The following CUX1 variants were observed in gnomAD, a reference collection of about 807,000 sequenced individuals.
The protein encoded by CUX1 is protein CASP.
CUX1 carries 31 observed loss-of-function variants against 158.8 expected under a neutral mutation model. That is an observed-to-expected ratio of 0.20 (90% confidence interval 0.15 to 0.26). The LOEUF (loss-of-function observed/expected upper bound fraction) is 0.26, where lower values mean the gene tolerates loss of function less well. Ranked by LOEUF, CUX1 falls within the 10% of genes least tolerant of loss-of-function variation. CUX1 has a pLI of 1.00. For synonymous variants in CUX1, 879 were observed against 862.1 expected (o/e 1.02, Z -0.34); for missense variants, 1,589 against 2,014.6 (o/e 0.79, Z 4.04).
At chr7:101,965,876 A>G (rs963662792) in intron 2 of CUX1, among the ~76,000 whole-genome samples, 3 of 130,442 alleles carry the variant, frequency 2.3e-5, no homozygotes, top group Non-Finnish European at 3.3e-5. Context: ...AAAAAAAAAG[A>G]TGACTTGGAG....
intron 8 of CUX1, among the ~76,000 whole-genome samples, chr7:102,143,219 G>GGGTT (rs1301043784): frequency 1.3e-5 from 2 of 152,132 alleles, no homozygotes; most frequent in Non-Finnish European, 2.9e-5. Flanking sequence ...GGTACTTGGG[G>GGGTT]GGTTCCCTTC....
intron 1 of CUX1, among the ~76,000 whole-genome samples, chr7:101,850,587 C>T (rs950426474): frequency 1.3e-5 from 2 of 151,954 alleles, no homozygotes; most frequent in African/African-American, 2.4e-5. Context: ...CACCATGTTA[C>T]CCAGGTGGTC....
chr7:102,032,148 T>C (rs62465593), intron 3 of CUX1, among the ~76,000 whole-genome samples: 61,010 of 151,418 alleles, frequency 0.4, 13,023 homozygotes, highest in Non-Finnish European at 0.46. Flanking sequence ...AGGCTGGTCT[T>C]GAACTCCTGA....
chr7:101,948,105 G>C (rs1808612001), intron 2 of CUX1, among the ~76,000 whole-genome samples: 1 of 152,132 alleles, frequency 6.6e-6, no homozygotes, highest in African/African-American at 2.4e-5. Context: ...AGCCAGATTC[G>C]GCCAGGCGCC....
At chr7:102,133,853 C>T (rs1225583988) in intron 8 of CUX1, among the ~76,000 whole-genome samples, 9 of 152,138 alleles carry the variant, frequency 5.9e-5, no homozygotes, top group African/African-American at 1.7e-4. Context: ...GCCCCCACAC[C>T]GGGGTAATTG....
At chr7:102,123,531 C>T (rs929048217) in intron 8 of CUX1, among the ~76,000 whole-genome samples, 3 of 150,620 alleles carry the variant, frequency 2.0e-5, no homozygotes, top group Admixed American at 1.3e-4. Context: ...ATGGCGTGAA[C>T]CCGGGAGGCA....
rs186535525 is a variant in CUX1 at position 102,018,913 on chromosome 7, G to A, written c.142-9185G>A. On this transcript the variant is annotated intron_variant, in intron 2 of 23. Transcript: ENST00000292535. The stretch of plus-strand genomic sequence containing the variant: ...CCACTGTACACTTGCGGGAGAAGGC[G>A]AGGAAAAGGCAAGTAACAAGAATAG... Among the ~76,000 whole-genome samples, 618 of 152,234 alleles carry A rather than the reference G, an allele frequency of 4.1e-3. 15 individuals carry two copies. Among genetic ancestry groups the A allele is most frequent in the Admixed American group, 0.037 (564 of 15,274 alleles).
At chr7:102,280,546 G>A (rs958027103) in intron 19 of CUX1, among the ~76,000 whole-genome samples, 8 of 152,158 alleles carry the variant, frequency 5.3e-5, no homozygotes, top group Non-Finnish European at 1.0e-4. Context: ...AGTTCTGCCC[G>A]TGGAGTACTT....
intron 3 of CUX1, among the ~76,000 whole-genome samples, chr7:102,056,956 T>G (rs999278935): frequency 1.3e-5 from 2 of 150,302 alleles, no homozygotes; most frequent in African/African-American, 4.9e-5. Flanking sequence ...GGCTGGAGTC[T>G]AGTGGTGCGA....
intron 2 of CUX1, among the ~76,000 whole-genome samples, chr7:101,989,300 T>C (rs550884407): frequency 6.6e-6 from 1 of 152,338 alleles, no homozygotes; most frequent in South Asian, 2.1e-4. Flanking sequence ...CCTGGAACGA[T>C]GTCTGCGCCG....
At chr7:101,904,619 A>C (rs1802547038) in intron 1 of CUX1, among the ~76,000 whole-genome samples, 2 of 144,304 alleles carry the variant, frequency 1.4e-5, no homozygotes, top group South Asian at 4.3e-4. Context: ...CCCAGGCTGG[A>C]GTGTAGTGGT....
intron 9 of CUX1, among the ~76,000 whole-genome samples, chr7:102,168,882 G>GCTTTTCTTTTCTTTT (rs370878244): frequency 3.5e-5 from 5 of 144,308 alleles, no homozygotes; most frequent in East Asian, 2.0e-4. Context: ...GCTTGGCCAG[G>GCTTTTCTTTTCTTTT]CTTTTCTTTT....
At position 102,254,062 on chromosome 7, in the gene CUX1, C is replaced by A; in HGVS notation, c.*5020C>A. The A allele has an allele frequency of 2.0e-6, 2 of 985,502 alleles. No individual in the cohort carries two copies. The highest frequency in any genetic ancestry group is 2.4e-6 in the Non-Finnish European group (2 of 829,976). 61.0% of individuals were successfully genotyped at this position (985,502 alleles called of 1,614,324 possible). A position where few individuals can be genotyped will look rare whatever the true frequency, so the allele number is the denominator to read the frequency against. On this transcript the variant is annotated 3_prime_UTR_variant, in exon 24 of 24. Transcript: ENST00000292535. The stretch of plus-strand genomic sequence containing the variant: ...CACGAACATCCCTCTGCCTGGTGGG[C>A]CGGCTTTGTGTGTCTCTCCTTTTGT...
chr7:102,245,096 G>A (rs141613447), intron 23 of CUX1, among the ~76,000 whole-genome samples: 5 of 152,314 alleles, frequency 3.3e-5, no homozygotes, highest in African/African-American at 1.2e-4. Flanking sequence ...AGGCTGGAGT[G>A]CAGTGGCAAA....
At chr7:102,004,183 C>T (rs1817050089) in intron 2 of CUX1, among the ~76,000 whole-genome samples, 1 of 152,176 alleles carries the variant, frequency 6.6e-6, no homozygotes, top group Non-Finnish European at 1.5e-5. Context: ...GCCCCAGAGC[C>T]CGGCTGTTAC....
In CUX1 at chr7:101,916,083, A is replaced by G. The variant is rs1316700385; in HGVS notation, c.31-32A>G. 2.7e-6 allele frequency: 4 copies of G among 1,487,674 alleles called. No homozygotes were observed. The highest frequency in any genetic ancestry group is 1.7e-5 in the Admixed American group (1 of 59,728). 92.2% of individuals were successfully genotyped at this position (1,487,674 alleles called of 1,614,324 possible). On this transcript the variant is annotated intron_variant, in intron 1 of 23. Coordinates refer to ENST00000292535, the MANE Select transcript of CUX1 (RefSeq NM_181552.4). The surrounding 1 kb of genome is among the most constrained non-coding windows in gnomAD (Gnocchi z 4.4). ...TCCTCTAGTACACAGTGCAATTACA[A>G]TCTCACTTTTCCTTTCCTGTTTCCC...
At chr7:102,168,196 G>T (rs995167873) in intron 9 of CUX1, among the ~76,000 whole-genome samples, 19 of 152,238 alleles carry the variant, frequency 1.2e-4, no homozygotes, top group African/African-American at 4.1e-4. Flanking sequence ...TCTAGATTCA[G>T]TGTGGACGAG....
At chr7:102,086,166 C>T (rs1307087713) in intron 4 of CUX1, among the ~76,000 whole-genome samples, 3 of 151,424 alleles carry the variant, frequency 2.0e-5, no homozygotes, top group African/African-American at 7.3e-5. Flanking sequence ...GGCTTTTTTC[C>T]TTGATTAGTC....
chr7:101,956,197 G>A (rs1809768275), intron 2 of CUX1, among the ~76,000 whole-genome samples: 1 of 151,360 alleles, frequency 6.6e-6, no homozygotes, highest in African/African-American at 2.4e-5. Flanking sequence ...CATTCAGCGT[G>A]GCCGGCTCTC....
Sources: allele counts gnomAD v4.1 joint callset (sites outside exome capture counted in the v4.1 genomes callset), GRCh38; gene constraint gnomAD v4.1.1; non-coding constraint Gnocchi (gnomAD v3.1); transcripts MANE v1.5; gene names NCBI Gene and HGNC (gene_info 2026-07-23, HGNC 2026-07-21).